Variants in CTNNA2 observed in about 807,000 individuals in gnomAD.
The protein encoded by CTNNA2 is catenin alpha-2.
Under a neutral mutation model 101.0 loss-of-function variants are expected in CTNNA2, and 42 were observed. The observed-to-expected ratio is 0.42, with a 90% confidence interval of 0.32 to 0.54. The LOEUF (loss-of-function observed/expected upper bound fraction) is 0.54, where lower values mean the gene tolerates loss of function less well. CTNNA2 is among the 20% of genes least tolerant of loss of function. The pLI is 0.14. For missense variants in CTNNA2, 871 were observed against 1,223.1 expected (o/e 0.71, Z 4.29); for synonymous variants, 450 against 456.4 (o/e 0.99, Z 0.18).
intron 7 of CTNNA2, among the ~76,000 whole-genome samples, chr2:80,346,617 C>G (rs540674595): frequency 1.3e-5 from 2 of 152,280 alleles, no homozygotes; most frequent in East Asian, 3.9e-4. Context: ...CTTCCATTTT[C>G]CTTTCTCTCA....
At chr2:80,112,286 T>A (rs974327832) in intron 7 of CTNNA2, among the ~76,000 whole-genome samples, 1 of 152,180 alleles carries the variant, frequency 6.6e-6, no homozygotes, top group Non-Finnish European at 1.5e-5. Context: ...TAAATTGAAA[T>A]TTTGATATTC....
intron 1 of CTNNA2, among the ~76,000 whole-genome samples, chr2:79,195,559 T>C (rs1434855202): frequency 6.6e-6 from 1 of 152,150 alleles, no homozygotes; most frequent in African/African-American, 2.4e-5. Flanking sequence ...AGAAATGTAT[T>C]TGCTGCCTGC....
At chr2:80,297,140 G>C (rs1178667403) in intron 7 of CTNNA2, among the ~76,000 whole-genome samples, 1 of 152,198 alleles carries the variant, frequency 6.6e-6, no homozygotes, top group East Asian at 1.9e-4. Flanking sequence ...GTCATGGTCA[G>C]AATTCCTGGA....
At chr2:79,326,383 A>T (rs1676748127) in intron 3 of CTNNA2, among the ~76,000 whole-genome samples, 1 of 152,104 alleles carries the variant, frequency 6.6e-6, no homozygotes, top group Admixed American at 6.5e-5. Context: ...GGTTCTAAAC[A>T]TTTTAAGAAG....
At chr2:80,118,717 T>C (rs2148874083) in intron 7 of CTNNA2, among the ~76,000 whole-genome samples, 1 of 152,380 alleles carries the variant, frequency 6.6e-6, no homozygotes, top group African/African-American at 2.4e-5. Flanking sequence ...CCTTTGAATA[T>C]TAACACAGAG....
chr2:79,861,229 T>G (rs1182964448), intron 4 of CTNNA2, among the ~76,000 whole-genome samples: 1 of 152,218 alleles, frequency 6.6e-6, no homozygotes, highest in Non-Finnish European at 1.5e-5. Flanking sequence ...ATATCTCTTT[T>G]ACCTTTAAGT....
chr2:80,013,306 C>G (rs1471410405), intron 7 of CTNNA2, among the ~76,000 whole-genome samples: 1 of 152,040 alleles, frequency 6.6e-6, no homozygotes, highest in East Asian at 1.9e-4. Context: ...AAGGGACAGT[C>G]AAAAGAACTA....
chr2:79,238,698 C>T (rs1368955), intron 2 of CTNNA2, among the ~76,000 whole-genome samples: 2 of 152,092 alleles, frequency 1.3e-5, no homozygotes, highest in East Asian at 3.9e-4. Flanking sequence ...GAAAGAATGT[C>T]TATGATGTAA....
At chr2:79,686,422 A>G (rs570364452) in intron 2 of CTNNA2, among the ~76,000 whole-genome samples, 29 of 152,290 alleles carry the variant, frequency 1.9e-4, no homozygotes, top group African/African-American at 7.0e-4. Flanking sequence ...TGCTTACAAT[A>G]CACCTTAATG....
intron 1 of CTNNA2, among the ~76,000 whole-genome samples, chr2:79,622,928 A>G (rs1679086889): frequency 6.6e-6 from 1 of 152,326 alleles, no homozygotes; most frequent in Non-Finnish European, 1.5e-5. Flanking sequence ...AGGAAGCATT[A>G]TCCTTTCTTA....
intron 7 of CTNNA2, among the ~76,000 whole-genome samples, chr2:80,345,764 G>A (rs1672678034): frequency 6.6e-6 from 1 of 151,562 alleles, no homozygotes; most frequent in Non-Finnish European, 1.5e-5. Flanking sequence ...CTTTTTTTTA[G>A]AAAAAGTTAT....
chr2:79,245,200 C>T (rs1377353887), intron 2 of CTNNA2, among the ~76,000 whole-genome samples: 1 of 152,162 alleles, frequency 6.6e-6, no homozygotes, highest in Non-Finnish European at 1.5e-5. Context: ...CCTATAATCT[C>T]AGCACTTTAG....
intron 7 of CTNNA2, among the ~76,000 whole-genome samples, chr2:79,944,245 A>C (rs1368913): frequency 0.43 from 65,549 of 151,966 alleles, 14,940 homozygotes; most frequent in Non-Finnish European, 0.52. Context: ...CATTTAATTA[A>C]AAAACCTTAC....
At chr2:80,489,044 C>T (rs185759694) in intron 9 of CTNNA2, among the ~76,000 whole-genome samples, 9 of 152,192 alleles carry the variant, frequency 5.9e-5, no homozygotes, top group African/African-American at 1.4e-4. Context: ...GAGTCCTGGA[C>T]CCCAGAGAAC....
At chr2:79,247,621 C>T (rs1454485684) in intron 2 of CTNNA2, among the ~76,000 whole-genome samples, 1 of 152,150 alleles carries the variant, frequency 6.6e-6, no homozygotes, top group Admixed American at 6.5e-5. Flanking sequence ...CAACCTATGA[C>T]TAACCAATAA....
chr2:79,863,043 C>T (rs1681745097), intron 4 of CTNNA2, among the ~76,000 whole-genome samples: 1 of 152,092 alleles, frequency 6.6e-6, no homozygotes, highest in Non-Finnish European at 1.5e-5. Context: ...TAGGAGGCCT[C>T]ATAGTCTCAA....
chr2:79,746,466 C>A (rs141501439), intron 3 of CTNNA2, among the ~76,000 whole-genome samples: 54 of 152,274 alleles, frequency 3.5e-4, no homozygotes, highest in African/African-American at 1.2e-3. Flanking sequence ...AGAACAGACA[C>A]CTACTCCCAA....
At chr2:80,283,376 G>A (rs527604279) in intron 7 of CTNNA2, among the ~76,000 whole-genome samples, 6 of 151,950 alleles carry the variant, frequency 3.9e-5, no homozygotes, top group East Asian at 3.9e-4. Context: ...ACACTGATTC[G>A]ATCATTACAA....
At chr2:80,075,823 A>G (rs1485438974) in intron 7 of CTNNA2, among the ~76,000 whole-genome samples, 1 of 146,234 alleles carries the variant, frequency 6.8e-6, no homozygotes, top group Non-Finnish European at 1.5e-5. Flanking sequence ...TAATATTTAT[A>G]AATTAATTAT....
Sources: allele counts gnomAD v4.1 joint callset (sites outside exome capture counted in the v4.1 genomes callset), GRCh38; gene constraint gnomAD v4.1.1; transcripts MANE v1.5; gene names NCBI Gene and HGNC (gene_info 2026-07-23, HGNC 2026-07-21).